GLI1: variants seen among roughly 807,000 people sequenced by gnomAD.
GLI1 encodes GLI family zinc finger 1.
A neutral mutation model predicts 87.8 loss-of-function variants in GLI1; 51 were observed. That is an observed-to-expected ratio of 0.58 (90% CI 0.46 to 0.73). The LOEUF is 0.73. Among genes scored for constraint, GLI1 ranks in the 30% least tolerant of loss-of-function variants. GLI1 has a pLI of 0.00. For synonymous variants in GLI1, 528 were observed against 558.2 expected (o/e 0.95, Z 0.76); for missense variants, 1,292 against 1,437.2 (o/e 0.90, Z 1.63).
intron 7 of GLI1, 114 bp from the exon 8 acceptor site, chr12:57,466,126 C>T (rs1288274792): frequency 8.4e-7 from 1 of 1,192,632 alleles, no homozygotes; most frequent in African/African-American, 1.5e-5. Context: ...TTGCTCCTGC[C>T]TCTTCCTCCT....
chr12:57,469,018 C>T (rs492239), intron 10 of GLI1, among the ~76,000 whole-genome samples: 49 of 152,300 alleles, frequency 3.2e-4, no homozygotes, highest in Non-Finnish European at 4.4e-4. Flanking sequence ...TCCCAAAGTG[C>T]TGGGATTACA....
At chr12:57,462,982 G>A (rs958308604) in intron 1 of GLI1, among the ~76,000 whole-genome samples, 1 of 152,172 alleles carries the variant, frequency 6.6e-6, no homozygotes, top group Non-Finnish European at 1.5e-5. Flanking sequence ...CTCAAAGCCG[G>A]CCCAGGGTTA....
chr12:57,460,793 C>T (rs368232640), intron 1 of GLI1, among the ~76,000 whole-genome samples: 104 of 152,016 alleles, frequency 6.8e-4, no homozygotes, highest in African/African-American at 2.3e-3. Context: ...GGGGGCTGTC[C>T]AAGGTCTAGT....
chr12:57,466,550 TG>T (rs1871499870), intron 8 of GLI1, among the ~76,000 whole-genome samples, 161 bp downstream of exon 8: 1 of 152,166 alleles, frequency 6.6e-6, no homozygotes, highest in South Asian at 2.1e-4. Flanking sequence ...ATGAATATGA[TG>T]ATATATATTA....
At chr12:57,465,950 T>C in intron 7 of GLI1, 25 bp downstream of exon 7, 1 of 1,607,764 alleles carries the variant, frequency 6.2e-7, no homozygotes, top group Non-Finnish European at 8.5e-7. Context: ...GTAACAGGAA[T>C]GGCTAGCCAG....
At chr12:57,462,506 G>C (rs1013605643) in intron 1 of GLI1, among the ~76,000 whole-genome samples, 3 of 151,442 alleles carry the variant, frequency 2.0e-5, no homozygotes, top group African/African-American at 7.3e-5. Flanking sequence ...CCGGGATGGA[G>C]TCAAAACTGG....
At position 57,465,810 on chromosome 12, in the gene GLI1, A is replaced by T. The variant is rs138672716; in HGVS notation, c.647A>T (p.Asp216Val). The T allele has an allele frequency of 1.9e-6, 3 of 1,614,052 alleles. No homozygotes were observed. The African/African-American group carries it at 4.0e-5, about 22-fold the overall frequency. Residue 216 changes from aspartate (D) to valine (V), a missense_variant, in exon 7 of 12, where the codon GAT becomes GTT. Asp to Val is a radical substitution (Grantham distance 152). This residue lies in a region of GLI1 where 383 missense variants were observed against 368.4 expected (regional missense o/e 1.04). Coordinates refer to ENST00000228682, the MANE Select transcript of GLI1 (RefSeq NM_005269.3). ...TAGGATCCCCTGTTGGGGATGCTGG[A>T]TGGGCGGGAGGACCTCGAGAGAGAG... Reference protein sequence around the residue: ...GIQDPLLGMLDGREDLEREEK... With the variant: ...GIQDPLLGMLVGREDLEREEK...
rs1871823318 is a variant in GLI1, at chr12:57,470,588, C to T, written c.1848C>T (p.Pro616=). 1.2e-6 allele frequency: 2 copies of T among 1,614,086 alleles called. No homozygotes were observed. The highest frequency in any genetic ancestry group is 1.7e-6 in the Non-Finnish European group (2 of 1,180,032). Residue 616 remains proline, a synonymous_variant, in exon 12 of 12, where the codon CCC becomes CCT. Coordinates refer to ENST00000228682, the MANE Select transcript of GLI1 (RefSeq NM_005269.3). ...ASSLDRIGGL[P]MPPWRSRAEY... ...GCCTGGATCGGATAGGTGGTCTTCCCATGCCTCCTTGGAGAAGCCGAGCCG... is the reference window on the plus strand; with the variant it reads ...GCCTGGATCGGATAGGTGGTCTTCCTATGCCTCCTTGGAGAAGCCGAGCCG...
chr12:57,464,078 C>G lies in GLI1; in HGVS notation c.180C>G (p.Asn60Lys). 6.2e-7 allele frequency: 1 copy of G among 1,608,006 alleles called. No homozygotes were observed. Among genetic ancestry groups the G allele is most frequent in the Non-Finnish European group, 8.5e-7 (1 of 1,174,392 alleles). Residue 60 changes from asparagine (N) to lysine (K), a missense_variant, in exon 3 of 12, where the codon AAC (asparagine) becomes AAG (lysine). Asn to Lys is a moderately conservative substitution (Grantham distance 94). This residue lies in a region of GLI1 where 383 missense variants were observed against 368.4 expected (regional missense o/e 1.04). Transcript: ENST00000228682. ...PHSYGPARETNSCTEGPLFSS... is the reference protein window; with the variant it reads ...PHSYGPARETKSCTEGPLFSS... ...GTTATGGGCCAGCCAGAGAGACCAACAGCTGCACCGAGGGTGAGGGCTCAG... is the reference window on the plus strand; with the variant it reads ...GTTATGGGCCAGCCAGAGAGACCAAGAGCTGCACCGAGGGTGAGGGCTCAG...
chr12:57,466,140 GGTGGAGTC>G, intron 7 of GLI1, 92 bp from the exon 8 acceptor site: 2 of 1,272,750 alleles, frequency 1.6e-6, no homozygotes, highest in Non-Finnish European at 2.2e-6. Context: ...TCCTCCTTGA[GGTGGAGTC>G]GTGGAAGAGG....
At chr12:57,469,370 C>T in intron 10 of GLI1, 61 bp from the exon 11 acceptor site, 2 of 1,544,388 alleles carry the variant, frequency 1.3e-6, no homozygotes, top group Non-Finnish European at 1.8e-6. Flanking sequence ...GCTTCAGCCA[C>T]TCATCAAGTT....
In GLI1 at chr12:57,472,059, T is replaced by A; in HGVS notation, c.3319T>A (p.Ter1107LysextTer50). 6.7e-7 allele frequency: 1 copy of A among 1,482,432 alleles called. No homozygotes were observed. The highest frequency in any genetic ancestry group is 9.0e-7 in the Non-Finnish European group (1 of 1,110,698). The allele number at this position is 1,482,432 out of a possible 1,614,324, so 91.8% of individuals were successfully genotyped here. ...AACAGAATTCCTCAACTCTAGTGCC[T>A]AAAGAGTAGGGAATCTCATCCATCA... ...GETEFLNSSA[*>K] The change falls in exon 12 of 12, where the codon TAA becomes AAA. Residue 1107 changes from the stop codon to lysine (K), a stop_lost. Coordinates refer to ENST00000228682, the MANE Select transcript of GLI1 (RefSeq NM_005269.3).
Position 57,472,166 on chromosome 12 carries a change from T to C in GLI1, c.*105T>C. 1 of 726,560 alleles carries C rather than the reference T, an allele frequency of 1.4e-6. No individual in the cohort carries two copies. Among genetic ancestry groups the C allele is most frequent in the Admixed American group, 3.3e-5 (1 of 29,888 alleles). The allele number at this position is 726,560 out of a possible 1,614,324, so 45.0% of individuals were successfully genotyped here. A position where few individuals can be genotyped will look rare whatever the true frequency, so the allele number is the denominator to read the frequency against. On this transcript the variant is annotated 3_prime_UTR_variant, in exon 12 of 12. Transcript: ENST00000228682. ...TCCCATGCACAAGATGCCCCAGGGA[T>C]GGGAGGTATGGGCTGGGGGCTATGT...
rs149505567 is a variant in GLI1 at position 57,466,368 on chromosome 12, C to T, written c.891C>T (p.Gly297=). ...TGGTTCACATGCGCAGACACACTGG[C>T]GAGAAGCCACACAAGTGCACGGTGA... The part of the protein sequence containing the change: ...MLVVHMRRHT[G]EKPHKCTFEG... Residue 297 remains glycine, a synonymous_variant, in exon 8 of 12, where the codon GGC becomes GGT. Transcript: ENST00000228682. The T allele has an allele frequency of 2.0e-5, 32 of 1,613,178 alleles. No individual in the cohort carries two copies. Among genetic ancestry groups the T allele is most frequent in the South Asian group, 4.4e-5 (4 of 90,982 alleles).
intron 10 of GLI1, among the ~76,000 whole-genome samples, chr12:57,468,900 T>C (rs1317432316): frequency 6.6e-6 from 1 of 152,082 alleles, no homozygotes; most frequent in Non-Finnish European, 1.5e-5. Flanking sequence ...TACAGGCGCC[T>C]GCCACCACGC....
chr12:57,467,036 C>T (rs1190954624), intron 8 of GLI1, among the ~76,000 whole-genome samples: 2 of 152,174 alleles, frequency 1.3e-5, no homozygotes, highest in African/African-American at 4.8e-5. Context: ...AGCCCGTTCC[C>T]CCAAGATGAC....
chr12:57,461,564 C>T (rs1871138306), intron 1 of GLI1, among the ~76,000 whole-genome samples: 1 of 152,240 alleles, frequency 6.6e-6, no homozygotes, highest in African/African-American at 2.4e-5. Flanking sequence ...ACGGGGACCC[C>T]CACTCTCCAG....
Position 57,470,683 on chromosome 12 carries a change from G to T in GLI1, c.1943G>T (p.Arg648Leu), listed in dbSNP as rs367789336. The T allele has an allele frequency of 6.2e-7, 1 of 1,612,784 alleles. No individual in the cohort carries two copies. Among genetic ancestry groups the T allele is most frequent in the Non-Finnish European group, 8.5e-7 (1 of 1,179,438 alleles). Residue 648 changes from arginine to leucine, a missense_variant, in exon 12 of 12, where the codon CGT (arginine) becomes CTT (leucine). Arg to Leu is a moderately radical substitution (Grantham distance 102). Around this residue, in one of 3 missense-constraint regions of GLI1, gnomAD observed 897 missense variants for 1,040.7 expected, o/e 0.86. Transcript: ENST00000228682. ...RASDPAQAAD[R>L]PAPARVQRFK... is the part of the protein sequence containing the mutation. ...AGTGACCCAGCCCAGGCTGCTGACC[G>T]TCCTGCTCCAGCTAGAGTCCAGAGG...
At chr12:57,470,182 T>C (rs921750209) in intron 11 of GLI1, 135 bp from the exon 12 acceptor site, 32 of 692,860 alleles carry the variant, frequency 4.6e-5, no homozygotes, top group South Asian at 1.1e-4. Flanking sequence ...ATGGGAGAAG[T>C]AGGAGACAGA....
Sources: allele counts gnomAD v4.1 joint callset (sites outside exome capture counted in the v4.1 genomes callset), GRCh38; gene constraint gnomAD v4.1.1; regional missense constraint gnomAD v4.1.1; transcripts MANE v1.5; gene names NCBI Gene and HGNC (gene_info 2026-07-23, HGNC 2026-07-21).